Variants in EFNB2 observed in about 807,000 individuals in gnomAD.
The protein encoded by EFNB2 is ephrin B2, also known as ephrin-B2.
EFNB2 carries 5 observed loss-of-function variants against 32.1 expected under a neutral mutation model. The ratio of observed to expected loss-of-function variants is 0.16; its 90% CI spans 0.08 to 0.33. The LOEUF is 0.33. Ranked by LOEUF, EFNB2 falls within the 10% of genes least tolerant of loss-of-function variation. The pLI, the probability that EFNB2 is intolerant of heterozygous loss-of-function variation, is 1.00. For missense variants in EFNB2, 263 were observed against 422.6 expected (o/e 0.62, Z 3.31); for synonymous variants, 168 against 166.5 (o/e 1.01, Z -0.07).
At chr13:106,495,929 A>C in intron 2 of EFNB2, 89 bp from the exon 3 acceptor site, 1 of 1,247,384 alleles carries the variant, frequency 8.0e-7, no homozygotes, top group Non-Finnish European at 1.1e-6. Context: ...AAATGTCTGA[A>C]AACAATTTGA....
At chr13:106,497,479 A>C (rs1233495769) in intron 2 of EFNB2, among the ~76,000 whole-genome samples, 1 of 151,018 alleles carries the variant, frequency 6.6e-6, no homozygotes, top group Non-Finnish European at 1.5e-5. Context: ...AAAAAAACCT[A>C]AAAATTTTGT....
intron 2 of EFNB2, among the ~76,000 whole-genome samples, chr13:106,502,540 A>G (rs936612513): frequency 6.6e-6 from 1 of 152,196 alleles, no homozygotes; most frequent in Non-Finnish European, 1.5e-5. Flanking sequence ...AATTGCTTCT[A>G]CTTGGGAAGA....
At chr13:106,496,487 C>T (rs1346898705) in intron 2 of EFNB2, among the ~76,000 whole-genome samples, 1 of 152,204 alleles carries the variant, frequency 6.6e-6, no homozygotes, top group African/African-American at 2.4e-5. Context: ...CTTAGTCAAC[C>T]TCTTCAACCA....
At chr13:106,516,144 G>C (rs1879305579) in intron 1 of EFNB2, 1 of 152,202 alleles carries the variant, frequency 6.6e-6, no homozygotes, top group South Asian at 2.1e-4. Flanking sequence ...TCACAGACAT[G>C]ATAGGAATTC....
chr13:106,532,727 C>T (rs1723814028), intron 1 of EFNB2, among the ~76,000 whole-genome samples: 1 of 151,638 alleles, frequency 6.6e-6, no homozygotes, highest in Non-Finnish European at 1.5e-5. Flanking sequence ...ACAGCAGCAG[C>T]AACCTCAACC....
At chr13:106,528,899 C>T (rs115869415) in intron 1 of EFNB2, among the ~76,000 whole-genome samples, 1,997 of 152,284 alleles carry the variant, frequency 0.013, 37 homozygotes, top group African/African-American at 0.045. Context: ...CTGTAATTTA[C>T]ACCACCTCTA....
At chr13:106,505,737 A>G (rs573234856) in intron 2 of EFNB2, among the ~76,000 whole-genome samples, 1 of 152,334 alleles carries the variant, frequency 6.6e-6, no homozygotes, top group South Asian at 2.1e-4. Flanking sequence ...GGTCTCTAGC[A>G]TTGTCCAATT....
At chr13:106,529,970 T>C (rs1367517961) in intron 1 of EFNB2, among the ~76,000 whole-genome samples, 1 of 152,238 alleles carries the variant, frequency 6.6e-6, no homozygotes, top group Non-Finnish European at 1.5e-5. Flanking sequence ...CCTTTCACTT[T>C]GTTTTTGATT....
chr13:106,509,882 C>G (rs957942099), intron 2 of EFNB2: 28 of 152,244 alleles, frequency 1.8e-4, no homozygotes, highest in African/African-American at 6.3e-4. Flanking sequence ...TATATTTTCC[C>G]AAGTATCTGA....
chr13:106,534,218 C>T (rs1390926216), intron 1 of EFNB2, among the ~76,000 whole-genome samples: 1 of 152,156 alleles, frequency 6.6e-6, no homozygotes, highest in East Asian at 1.9e-4. Flanking sequence ...AGGCCCGTCT[C>T]CCCGGCGCGG....
intron 1 of EFNB2, among the ~76,000 whole-genome samples, chr13:106,530,280 G>A (rs1354482653): frequency 6.6e-6 from 1 of 152,080 alleles, no homozygotes; most frequent in Non-Finnish European, 1.5e-5. Context: ...AAAAAGAAGG[G>A]GGGAGCTGTT....
intron 1 of EFNB2, among the ~76,000 whole-genome samples, chr13:106,521,805 T>C (rs1008205081): frequency 4.6e-5 from 7 of 151,822 alleles, no homozygotes; most frequent in Non-Finnish European, 1.0e-4. Flanking sequence ...ATTTATTTAA[T>C]TTTTATCTGT....
chr13:106,534,808 G>C lies in EFNB2; in HGVS notation c.122+35C>G, dbSNP rs73588119. 43 of 1,590,858 alleles carry C rather than the reference G, an allele frequency of 2.7e-5. No individual in the cohort carries two copies. The African/African-American group carries it at 5.4e-4, about 20-fold the overall frequency. Reference sequence around the variant, plus strand: ...GCCCGGACGGCGCGGCGGACCCCGGGGCGGGGACATAGGGGGATCGCGGAC... The same window carrying C: ...GCCCGGACGGCGCGGCGGACCCCGGCGCGGGGACATAGGGGGATCGCGGAC... On this transcript the variant is annotated intron_variant, in intron 1 of 4. Transcript: ENST00000646441.
chr13:106,527,218 A>G (rs1352825594), intron 1 of EFNB2, among the ~76,000 whole-genome samples: 1 of 152,144 alleles, frequency 6.6e-6, no homozygotes, highest in Non-Finnish European at 1.5e-5. Flanking sequence ...TTAAAATTGG[A>G]TGCAACAGGA....
chr13:106,502,204 T>C (rs1002395948), intron 2 of EFNB2, among the ~76,000 whole-genome samples: 10 of 152,228 alleles, frequency 6.6e-5, no homozygotes, highest in Admixed American at 5.9e-4. Context: ...GTGACTTTTC[T>C]ATGCAACACT....
At position 106,492,962 on chromosome 13, in the gene EFNB2, C is replaced by T. The variant is rs191693363; in HGVS notation, c.*78G>A. The T allele has an allele frequency of 1.3e-3, 2,024 of 1,512,770 alleles. 2 individuals carry two copies. Among genetic ancestry groups the T allele is most frequent in the Non-Finnish European group, 1.6e-3 (1,852 of 1,129,900 alleles). The allele number at this position is 1,512,770 out of a possible 1,614,324, so 93.7% of individuals were successfully genotyped here. Reference sequence around the variant, plus strand: ...GTGCTTCAGTCAATTCTCCAGCACGCGGGCTCTCAAACCCTCAAGGGAGGC... The same window carrying T: ...GTGCTTCAGTCAATTCTCCAGCACGTGGGCTCTCAAACCCTCAAGGGAGGC... On this transcript the variant is annotated 3_prime_UTR_variant, in exon 5 of 5. Coordinates refer to ENST00000646441, the MANE Select transcript of EFNB2 (RefSeq NM_004093.4). This position sits in a 1 kb window ranked among gnomAD's most constrained non-coding sequence, Gnocchi z 5.1.
intron 1 of EFNB2, among the ~76,000 whole-genome samples, chr13:106,525,061 C>T (rs1879651953): frequency 6.6e-6 from 1 of 152,190 alleles, no homozygotes; most frequent in Admixed American, 6.5e-5. Flanking sequence ...ATTCAACTGA[C>T]TTTTATTAAT....
chr13:106,503,461 C>T (rs1878850275), intron 2 of EFNB2, among the ~76,000 whole-genome samples: 1 of 152,054 alleles, frequency 6.6e-6, no homozygotes, highest in African/African-American at 2.4e-5. Context: ...CGGGAGTGGC[C>T]AATGTGGAGA....
intron 2 of EFNB2, among the ~76,000 whole-genome samples, chr13:106,498,127 T>C (rs1878651378): frequency 6.6e-6 from 1 of 152,130 alleles, no homozygotes; most frequent in African/African-American, 2.4e-5. Flanking sequence ...TGACTTTTTG[T>C]TGCTAAAAGT....
Sources: allele counts gnomAD v4.1 joint callset (sites outside exome capture counted in the v4.1 genomes callset), GRCh38; gene constraint gnomAD v4.1.1; non-coding constraint Gnocchi (gnomAD v3.1); transcripts MANE v1.5; gene names NCBI Gene and HGNC (gene_info 2026-07-23, HGNC 2026-07-21).